The following SLC6A6 variants were observed in gnomAD, a reference collection of about 807,000 sequenced individuals.
SLC6A6 encodes solute carrier family 6 member 6.
Under a neutral mutation model 68.8 loss-of-function variants are expected in SLC6A6, and 16 were observed. That is an observed-to-expected ratio of 0.23 (90% CI 0.16 to 0.35). The LOEUF is 0.35. SLC6A6 is among the 10% of genes least tolerant of loss of function. SLC6A6 has a pLI of 1.00. For synonymous variants in SLC6A6, 312 were observed against 315.4 expected (o/e 0.99, Z 0.12); for missense variants, 474 against 802.8 (o/e 0.59, Z 4.95).
chr3:14,470,877 C>T (rs894787140), intron 9 of SLC6A6, among the ~76,000 whole-genome samples: 4 of 152,196 alleles, frequency 2.6e-5, no homozygotes, highest in Admixed American at 2.6e-4. Flanking sequence ...TGATGGGGGT[C>T]TCCAGCATCT....
At chr3:14,414,604 C>T (rs1271160659) in intron 1 of SLC6A6, among the ~76,000 whole-genome samples, 1 of 152,074 alleles carries the variant, frequency 6.6e-6, no homozygotes, top group Non-Finnish European at 1.5e-5. Context: ...CTGCTCGCTG[C>T]AACCTCAAAC....
Position 14,445,840 on chromosome 3 carries a change from C to G in SLC6A6, c.353C>G (p.Pro118Arg), listed in dbSNP as rs775885353. ...GGITCWEKIC[P>R]LFSGIGYASV... is the part of the protein sequence containing the mutation. ...ATCACCTGCTGGGAAAAGATCTGCCCCTTGTTCTCTGGTGAGTATGGGACG... is the reference window on the plus strand; with the variant it reads ...ATCACCTGCTGGGAAAAGATCTGCCGCTTGTTCTCTGGTGAGTATGGGACG... The change falls in exon 4 of 15, where the codon CCC becomes CGC. Residue 118 changes from proline (P) to arginine (R), a missense_variant. Coordinates refer to ENST00000622186, the MANE Select transcript of SLC6A6 (RefSeq NM_003043.6). 1 of 1,614,212 alleles carries G rather than the reference C, an allele frequency of 6.2e-7. No individual in the cohort carries two copies. The highest frequency in any genetic ancestry group is 1.1e-5 in the South Asian group (1 of 91,084).
intron 2 of SLC6A6, among the ~76,000 whole-genome samples, chr3:14,440,864 A>G (rs1699966968): frequency 6.6e-6 from 1 of 152,020 alleles, no homozygotes; most frequent in African/African-American, 2.4e-5. Context: ...GCACCTTAGA[A>G]ATGAGGAGTT....
chr3:14,474,909 C>T (rs115053638), intron 10 of SLC6A6, among the ~76,000 whole-genome samples: 2,716 of 152,324 alleles, frequency 0.018, 97 homozygotes, highest in African/African-American at 0.062. Context: ...CTACCATTGG[C>T]GGGAACAGTC....
chr3:14,466,378 A>C (rs1700620702), intron 6 of SLC6A6, 138 bp from the exon 7 acceptor site: 1 of 945,206 alleles, frequency 1.1e-6, no homozygotes, highest in South Asian at 1.8e-5. Flanking sequence ...CAAAGGCCGC[A>C]CAGCAAGTAA....
chr3:14,462,235 G>A (rs1031695336), intron 6 of SLC6A6, among the ~76,000 whole-genome samples: 5 of 152,198 alleles, frequency 3.3e-5, no homozygotes, highest in Admixed American at 2.6e-4. Flanking sequence ...GCAAAGCAAG[G>A]GTGGCTTTCA....
At chr3:14,405,686 A>T (rs964202416) in intron 1 of SLC6A6, among the ~76,000 whole-genome samples, 1 of 152,190 alleles carries the variant, frequency 6.6e-6, no homozygotes, top group African/African-American at 2.4e-5. Context: ...GTTTGAATTT[A>T]TGGGTTCTGG....
In SLC6A6 at chr3:14,468,790, G is replaced by A. The variant is rs1700686423; in HGVS notation, c.1096+578G>A. 6.6e-6 allele frequency among the ~76,000 whole-genome samples: 1 copy of A among 152,134 alleles called. No homozygotes were observed. Among genetic ancestry groups the A allele is most frequent in the Non-Finnish European group, 1.5e-5 (1 of 68,032 alleles). ...GACGGTGGCAGATCCAACTGGGGGT[G>A]GGTTGTAAGCACAGTGTCGCCCCTC... On this transcript the variant is annotated intron_variant, in intron 9 of 14. Transcript: ENST00000622186. The surrounding 1 kb of genome is among the most constrained non-coding windows in gnomAD (Gnocchi z 4.5).
chr3:14,403,735 G>A (rs1699041597), intron 1 of SLC6A6, among the ~76,000 whole-genome samples: 1 of 152,228 alleles, frequency 6.6e-6, no homozygotes, highest in Non-Finnish European at 1.5e-5. Context: ...TTCCTTCTGT[G>A]GGTTCCTCTT....
intron 2 of SLC6A6, among the ~76,000 whole-genome samples, chr3:14,431,619 G>A (rs1699726701): frequency 6.6e-6 from 1 of 152,186 alleles, no homozygotes; most frequent in African/African-American, 2.4e-5. Flanking sequence ...GTTCTGGATG[G>A]TGGAGGGGGC....
chr3:14,457,685 A>T (rs1429656903), intron 5 of SLC6A6, among the ~76,000 whole-genome samples: 1 of 152,220 alleles, frequency 6.6e-6, no homozygotes, highest in East Asian at 1.9e-4. Context: ...ACTGAGGCTC[A>T]GGGGTTCCTT....
At chr3:14,426,536 G>T (rs1309233177) in intron 2 of SLC6A6, among the ~76,000 whole-genome samples, 1 of 152,096 alleles carries the variant, frequency 6.6e-6, no homozygotes, top group African/African-American at 2.4e-5. Context: ...CGCTACTTTC[G>T]GACTAATTAG....
chr3:14,444,010 C>A (rs769892859), intron 3 of SLC6A6, 147 bp downstream of exon 3: 1 of 622,338 alleles, frequency 1.6e-6, no homozygotes, highest in Admixed American at 2.7e-5. Flanking sequence ...TGCCATGCTC[C>A]TGCCAACCCC....
intron 4 of SLC6A6, among the ~76,000 whole-genome samples, chr3:14,446,829 C>T (rs1244166736): frequency 1.3e-5 from 2 of 152,158 alleles, no homozygotes; most frequent in African/African-American, 4.8e-5. Context: ...TTCCTTAGTC[C>T]TATGTTTAGT....
intron 5 of SLC6A6, among the ~76,000 whole-genome samples, chr3:14,451,298 C>G (rs1700246299): frequency 6.6e-6 from 1 of 152,258 alleles, no homozygotes; most frequent in Non-Finnish European, 1.5e-5. Flanking sequence ...ATCACTACCT[C>G]TCTCTGGCTC....
chr3:14,436,610 A>G (rs1699861243), intron 2 of SLC6A6, among the ~76,000 whole-genome samples: 1 of 137,478 alleles, frequency 7.3e-6, no homozygotes, highest in Admixed American at 8.2e-5. Flanking sequence ...ACTAGGGCCA[A>G]GGAGAGTGCC....
At chr3:14,434,826 C>T (rs192272567) in intron 2 of SLC6A6, among the ~76,000 whole-genome samples, 2 of 152,298 alleles carry the variant, frequency 1.3e-5, no homozygotes, top group African/African-American at 4.8e-5. Flanking sequence ...GTGGCACTCT[C>T]CTTGCTGCCT....
chr3:14,457,655 C>T (rs1003728967), intron 5 of SLC6A6, among the ~76,000 whole-genome samples: 3 of 152,196 alleles, frequency 2.0e-5, no homozygotes, highest in Admixed American at 6.6e-5. Context: ...AAAATCAGTG[C>T]CCATTTCACA....
chr3:14,436,365 T>C (rs1252346014), intron 2 of SLC6A6, among the ~76,000 whole-genome samples: 1 of 151,790 alleles, frequency 6.6e-6, no homozygotes, highest in Non-Finnish European at 1.5e-5. Flanking sequence ...CACACCTGGC[T>C]AATTTTTTTT....
Sources: gnomAD v4.1 joint callset for allele counts (sites outside exome capture counted in the v4.1 genomes callset) on GRCh38, gnomAD v4.1.1 for gene constraint, Gnocchi (gnomAD v3.1) non-coding constraint, MANE v1.5 for transcripts, NCBI Gene and HGNC (gene_info 2026-07-23, HGNC 2026-07-21) for gene names.